MARCHF10: variants seen among roughly 807,000 people sequenced by gnomAD.
The protein encoded by MARCHF10 is probable E3 ubiquitin-protein ligase MARCHF10.
A neutral mutation model predicts 76.2 loss-of-function variants in MARCHF10; 64 were observed. The ratio of observed to expected loss-of-function variants is 0.84; its 90% CI spans 0.69 to 1.03. MARCHF10 has a LOEUF of 1.03. Among genes scored for constraint, MARCHF10 ranks in the 50% least tolerant of loss-of-function variants. MARCHF10 has a pLI of 0.00. For synonymous variants in MARCHF10, 340 were observed against 357.5 expected, an observed-to-expected ratio of 0.95 and a Z score of 0.55; for missense variants, 875 against 958.0, an observed-to-expected ratio of 0.91 and a Z score of 1.14.
At chr17:62,744,879 GGC>G (rs150912057) in intron 4 of MARCHF10, among the ~76,000 whole-genome samples, 9,381 of 151,614 alleles carry the variant, frequency 0.062, 549 homozygotes, top group African/African-American at 0.16. Flanking sequence ...TGGGCATGGT[GGC>G]GCATGCCTGT....
intron 8 of MARCHF10, among the ~76,000 whole-genome samples, chr17:62,713,040 T>C (rs2090010525): frequency 6.6e-6 from 1 of 152,154 alleles, no homozygotes; most frequent in Non-Finnish European, 1.5e-5. Context: ...CCACCCTGCC[T>C]AGCCACTTTT....
At chr17:62,764,351 T>G (rs1206182206) in intron 3 of MARCHF10, among the ~76,000 whole-genome samples, 1 of 152,178 alleles carries the variant, frequency 6.6e-6, no homozygotes, top group South Asian at 2.1e-4. Context: ...CTGATTGATG[T>G]GTACCGAACC....
intron 2 of MARCHF10, among the ~76,000 whole-genome samples, chr17:62,792,813 ACCACCACCACCTCCACTG>A (rs1222966721): frequency 1.6e-5 from 2 of 122,598 alleles, no homozygotes; most frequent in East Asian, 2.3e-4. Flanking sequence ...CTCCATCACC[ACCACCACCACCTCCACTG>A]CCACCACCAC....
At chr17:62,740,049 AGTGTGTGTGTGTGTGTGTGTGTGT>A (rs112894135) in intron 5 of MARCHF10, among the ~76,000 whole-genome samples, 1 of 145,432 alleles carries the variant, frequency 6.9e-6, no homozygotes, top group East Asian at 2.1e-4. Context: ...GCTTCTCTGC[AGTGTGTGTGTGTGTGTGTGTGTGT>A]GTGTGTGTGC....
At chr17:62,801,152 T>C (rs903281717) in intron 2 of MARCHF10, among the ~76,000 whole-genome samples, 3 of 151,744 alleles carry the variant, frequency 2.0e-5, no homozygotes, top group African/African-American at 7.3e-5. Flanking sequence ...CCTCGTTTTT[T>C]TGTTTTTGTT....
At position 62,736,384 on chromosome 17, in the gene MARCHF10, G is replaced by A. The variant is rs766784189; in HGVS notation, c.1484C>T (p.Ser495Leu). ...TCCCTCTGAGTCTGAGCTGTGAACT[G>A]AAGTCGATGACATTGACAAGTCTAC... ...IPVDLSMSST[S>L]VHSSDSEGNS... The change falls in exon 6 of 11, where the codon TCA becomes TTA. Residue 495 changes from serine to leucine, a missense_variant. Coordinates refer to ENST00000311269, the MANE Select transcript of MARCHF10 (RefSeq NM_152598.4). The A allele has an allele frequency of 5.6e-6, 9 of 1,614,064 alleles. No individual in the cohort carries two copies. The highest frequency in any genetic ancestry group is 7.6e-6 in the Non-Finnish European group (9 of 1,180,044).
Position 62,736,256 on chromosome 17 carries a change from C to T in MARCHF10, c.1612G>A (p.Glu538Lys), listed in dbSNP as rs371136845. The T allele has an allele frequency of 1.0e-4, 168 of 1,614,038 alleles. No individual in the cohort carries two copies. The highest frequency in any genetic ancestry group is 1.3e-4 in the Non-Finnish European group (158 of 1,180,044). ...TCTTCTGCTTCCCTGACAGCAAATT[C>T]GTGTGCACTGTTTACTGGGAAATAA... ...HNYFPVNSAHEFAVREAEDTT... is the reference protein window; with the variant it reads ...HNYFPVNSAHKFAVREAEDTT... The change falls in exon 6 of 11, where the codon GAA becomes AAA. Residue 538 changes from glutamate to lysine, a missense_variant. Physicochemically the swap from Glu to Lys is moderately conservative, Grantham distance 56 (BLOSUM62 1). Coordinates refer to ENST00000311269, the MANE Select transcript of MARCHF10 (RefSeq NM_152598.4).
chr17:62,806,347 A>AGGGTTG, intron 1 of MARCHF10: 1 of 152,320 alleles, frequency 6.6e-6, no homozygotes, highest in East Asian at 1.9e-4. Flanking sequence ...GCAAACACAG[A>AGGGTTG]GGGTTGGGGT....
In MARCHF10 at chr17:62,783,714, T is replaced by C. The variant is rs201799380; in HGVS notation, c.210+4766A>G. ...GATATCACCACCGATCCCACAGAAA[T>C]ACAAACTACCATCAGAGAATACTAT... On this transcript the variant is annotated intron_variant, in intron 3 of 10. Coordinates refer to ENST00000311269, the MANE Select transcript of MARCHF10 (RefSeq NM_152598.4). 4.6e-4 allele frequency among the ~76,000 whole-genome samples: 70 copies of C among 152,156 alleles called. 3 individuals are homozygous for C. In the East Asian group the frequency reaches 0.013, roughly 28 times the overall value.
intron 4 of MARCHF10, among the ~76,000 whole-genome samples, chr17:62,745,619 A>G (rs1334588440): frequency 6.6e-6 from 1 of 152,194 alleles, no homozygotes; most frequent in African/African-American, 2.4e-5. Flanking sequence ...AGCATCTGGG[A>G]ACCGTATGCC....
At chr17:62,704,961 T>TTTTA (rs577248396) in intron 10 of MARCHF10, 87 of 925,270 alleles carry the variant, frequency 9.4e-5, no homozygotes, top group East Asian at 1.2e-4. Context: ...TTTTTTTTTT[T>TTTTA]AATGGAAAAA....
chr17:62,716,880 C>G (rs1599070506), intron 8 of MARCHF10, among the ~76,000 whole-genome samples: 1 of 152,098 alleles, frequency 6.6e-6, no homozygotes, highest in African/African-American at 2.4e-5. Flanking sequence ...AGAAAGGAAC[C>G]CATTTGCCAA....
At chr17:62,730,078 A>G (rs879723403) in intron 6 of MARCHF10, among the ~76,000 whole-genome samples, 4 of 152,142 alleles carry the variant, frequency 2.6e-5, no homozygotes, top group East Asian at 1.9e-4. Flanking sequence ...GCTACTCAGG[A>G]GGCTGAGGCA....
chr17:62,736,720 T>A lies in MARCHF10; in HGVS notation c.1148A>T (p.Glu383Val). 1.2e-6 allele frequency: 2 copies of A among 1,614,186 alleles called. No homozygotes were observed. Among genetic ancestry groups the A allele is most frequent in the South Asian group, 2.2e-5 (2 of 91,088 alleles). ...LSQDPGLPDRESATEKDRGGS... is the reference protein window; with the variant it reads ...LSQDPGLPDRVSATEKDRGGS... ...ACCTCTGTCCTTCTCTGTAGCAGAT[T>A]CCCTATCAGGCAGCCCGGGGTCTTG... The change falls in exon 6 of 11, where the codon GAA becomes GTA. Residue 383 changes from glutamate to valine, a missense_variant. Glu to Val is a moderately radical substitution (Grantham distance 121). Coordinates refer to ENST00000311269, the MANE Select transcript of MARCHF10 (RefSeq NM_152598.4).
At chr17:62,733,186 A>C (rs2091109609) in intron 6 of MARCHF10, among the ~76,000 whole-genome samples, 2 of 152,088 alleles carry the variant, frequency 1.3e-5, no homozygotes, top group South Asian at 4.1e-4. Flanking sequence ...TGGCTAGGCA[A>C]AGTGGCTCAT....
At chr17:62,750,494 G>C (rs2091862030) in intron 4 of MARCHF10, 2 of 152,980 alleles carry the variant, frequency 1.3e-5, no homozygotes, top group Admixed American at 6.5e-5. Flanking sequence ...GGAGCAGTAA[G>C]GGGTGTATTC....
intron 3 of MARCHF10, among the ~76,000 whole-genome samples, chr17:62,763,678 C>T (rs1422651307): frequency 6.6e-6 from 1 of 152,048 alleles, no homozygotes; most frequent in Non-Finnish European, 1.5e-5. Flanking sequence ...AAAGCCAGCT[C>T]TATCTTTAAA....
chr17:62,707,121 G>A (rs886309826), intron 9 of MARCHF10, among the ~76,000 whole-genome samples: 3 of 152,162 alleles, frequency 2.0e-5, no homozygotes, highest in Non-Finnish European at 4.4e-5. Context: ...CCGTGCCATT[G>A]CAGCAGCCTC....
chr17:62,719,346 G>C (rs921796729), intron 8 of MARCHF10, among the ~76,000 whole-genome samples: 5 of 151,944 alleles, frequency 3.3e-5, no homozygotes, highest in Non-Finnish European at 7.4e-5. Flanking sequence ...TTGGCATTAA[G>C]TATTTGCCTA....
Sources: allele counts gnomAD v4.1 joint callset (sites outside exome capture counted in the v4.1 genomes callset), GRCh38; gene constraint gnomAD v4.1.1; transcripts MANE v1.5; gene names NCBI Gene and HGNC (gene_info 2026-07-23, HGNC 2026-07-21).